Variants in SEMA3A observed in about 807,000 individuals in gnomAD.
SEMA3A encodes the protein semaphorin-3A.
SEMA3A carries 29 observed loss-of-function variants against 97.9 expected under a neutral mutation model. That is an observed-to-expected ratio of 0.30 (90% CI 0.22 to 0.40). The LOEUF (loss-of-function observed/expected upper bound fraction) is 0.40. Ranked by LOEUF, SEMA3A falls within the 10% of genes least tolerant of loss-of-function variation. The pLI, the probability that SEMA3A is intolerant of heterozygous loss-of-function variation, is 1.00. For missense variants in SEMA3A, 763 were observed against 951.3 expected, an observed-to-expected ratio of 0.80 and a Z score of 2.60; for synonymous variants, 321 against 323.7, an observed-to-expected ratio of 0.99 and a Z score of 0.09.
rs116077369 is a variant in SEMA3A at position 84,333,001 on chromosome 7, A to G, written c.-168-25709T>C. On this transcript the variant is annotated intron_variant, in intron 2 of 3. Coordinates refer to the SEMA3A transcript ENST00000424555. ...ATTCCAGCTAAGACTGGTATCTTTA[A>G]TAATATATCAGGACTTGATTTAGGG... is the stretch of plus-strand genomic sequence containing the variant. 4.7e-3 allele frequency among the ~76,000 whole-genome samples: 712 copies of G among 152,252 alleles called. 7 individuals carry two copies. Among genetic ancestry groups the G allele is most frequent in the African/African-American group, 0.016 (664 of 41,572 alleles).
intron 4 of SEMA3A, among the ~76,000 whole-genome samples, chr7:84,076,888 CAT>C (rs1793970819): frequency 6.6e-6 from 1 of 152,024 alleles, no homozygotes; most frequent in Middle Eastern, 3.2e-3. Context: ...ACATTGGGGC[CAT>C]AATTCATCTG....
chr7:84,277,626 T>C (rs967934283), intron 3 of SEMA3A, among the ~76,000 whole-genome samples: 7 of 152,118 alleles, frequency 4.6e-5, no homozygotes, highest in Non-Finnish European at 5.9e-5. Flanking sequence ...GGGCAATTTA[T>C]AAAGAAAAGA....
intron 1 of SEMA3A, among the ~76,000 whole-genome samples, chr7:84,431,668 AT>A (rs1804985078): frequency 6.6e-6 from 1 of 152,018 alleles, no homozygotes; most frequent in Non-Finnish European, 1.5e-5. Flanking sequence ...ATTTAAAAAA[AT>A]AATTTGATCT....
chr7:84,150,778 C>A (rs1482145494), intron 1 of SEMA3A, among the ~76,000 whole-genome samples: 4 of 152,106 alleles, frequency 2.6e-5, no homozygotes, highest in Admixed American at 6.6e-5. Context: ...GGCTCCACCT[C>A]TGGGGGCAGG....
intron 3 of SEMA3A, among the ~76,000 whole-genome samples, chr7:84,225,201 A>G (rs1345145053): frequency 6.6e-6 from 1 of 152,144 alleles, no homozygotes; most frequent in Non-Finnish European, 1.5e-5. Context: ...TATTGCACAT[A>G]GTGTAAAGAG....
At chr7:83,983,639 A>G (rs1366577969) in intron 13 of SEMA3A, among the ~76,000 whole-genome samples, 1 of 152,136 alleles carries the variant, frequency 6.6e-6, no homozygotes, top group African/African-American at 2.4e-5. Context: ...AAAAGTAACT[A>G]TAAATCAGTC....
intron 6 of SEMA3A, among the ~76,000 whole-genome samples, chr7:84,033,978 T>A (rs1008488440): frequency 7.3e-6 from 1 of 137,116 alleles, no homozygotes; most frequent in Admixed American, 7.6e-5. Flanking sequence ...GGCAATTTTT[T>A]GTTTTTAATT....
chr7:84,490,469 C>T (rs774745606), intron 1 of SEMA3A, among the ~76,000 whole-genome samples: 12 of 152,058 alleles, frequency 7.9e-5, no homozygotes, highest in Non-Finnish European at 1.5e-4. Flanking sequence ...CATACAGTGC[C>T]TTTTAAAAGT....
At chr7:84,423,045 T>G (rs561180214) in intron 1 of SEMA3A, among the ~76,000 whole-genome samples, 1 of 152,122 alleles carries the variant, frequency 6.6e-6, no homozygotes, top group African/African-American at 2.4e-5. Flanking sequence ...TTGTAATAGG[T>G]TCTGGCATTA....
chr7:84,177,490 A>G (rs1407121693), intron 1 of SEMA3A, among the ~76,000 whole-genome samples: 1 of 152,154 alleles, frequency 6.6e-6, no homozygotes, highest in Non-Finnish European at 1.5e-5. Context: ...ATAATAAATG[A>G]AACTTAATGA....
chr7:84,313,365 T>C lies in SEMA3A; in HGVS notation c.-168-6073A>G, dbSNP rs1401139455. ...ATGTATATGTGTGTGTGTATATATA[T>C]ATATATATATATATATATATATATA... On this transcript the variant is annotated intron_variant, in intron 2 of 3. Coordinates refer to the SEMA3A transcript ENST00000424555. Among the ~76,000 whole-genome samples the C allele has an allele frequency of 1.5e-4, 3 of 19,362 alleles. 1 individual carries two copies. The highest frequency in any genetic ancestry group is 2.8e-4 in the African/African-American group (3 of 10,814). 12.7% of individuals were successfully genotyped at this position (19,362 alleles called of 152,430 possible). A position where few individuals can be genotyped will look rare whatever the true frequency, so the allele number is the denominator to read the frequency against.
chr7:84,241,997 TG>T (rs2116381070), intron 3 of SEMA3A, among the ~76,000 whole-genome samples: 1 of 152,326 alleles, frequency 6.6e-6, no homozygotes, highest in South Asian at 2.1e-4. Flanking sequence ...ATATCTGTTT[TG>T]GTACCAACAC....
At chr7:84,473,539 C>A (rs551221427) in intron 1 of SEMA3A, among the ~76,000 whole-genome samples, 2 of 151,804 alleles carry the variant, frequency 1.3e-5, no homozygotes, top group African/African-American at 4.8e-5. Flanking sequence ...CAGGTGTGCA[C>A]CACCACGCCT....
intron 5 of SEMA3A, among the ~76,000 whole-genome samples, chr7:84,057,160 T>A (rs1483361454): frequency 1.3e-5 from 2 of 152,196 alleles, no homozygotes; most frequent in Admixed American, 6.5e-5. Flanking sequence ...GGATATAAAC[T>A]TAGCTAAAAG....
intron 2 of SEMA3A, among the ~76,000 whole-genome samples, chr7:84,134,098 T>C (rs1796050949): frequency 6.6e-6 from 1 of 151,938 alleles, no homozygotes. Flanking sequence ...TATAGCTTAT[T>C]AATGAAATGA....
At chr7:84,061,877 G>A (rs953637236) in intron 4 of SEMA3A, among the ~76,000 whole-genome samples, 1 of 151,968 alleles carries the variant, frequency 6.6e-6, no homozygotes, top group Non-Finnish European at 1.5e-5. Flanking sequence ...ATTTCTTTAG[G>A]TTAGTTCTAA....
At chr7:84,270,949 T>C (rs966164607) in intron 3 of SEMA3A, among the ~76,000 whole-genome samples, 3 of 152,020 alleles carry the variant, frequency 2.0e-5, no homozygotes, top group African/African-American at 7.2e-5. Context: ...GGTTCACCTA[T>C]TGAATAGGTT....
intron 3 of SEMA3A, among the ~76,000 whole-genome samples, chr7:84,213,435 C>T (rs1798679066): frequency 6.6e-6 from 1 of 152,160 alleles, no homozygotes; most frequent in Admixed American, 6.5e-5. Flanking sequence ...TGTACAACCA[C>T]ACTCAGCTAA....
intron 1 of SEMA3A, among the ~76,000 whole-genome samples, chr7:84,402,112 G>T (rs1478479229): frequency 4.6e-5 from 7 of 152,038 alleles, no homozygotes. Context: ...AGAGTTAATT[G>T]CTAGAAAATA....
Sources: gnomAD v4.1 joint callset for allele counts (sites outside exome capture counted in the v4.1 genomes callset) on GRCh38, gnomAD v4.1.1 for gene constraint, MANE v1.5 for transcripts, NCBI Gene and HGNC (gene_info 2026-07-23, HGNC 2026-07-21) for gene names.